The following CD96 variants were observed in gnomAD, a reference collection of about 807,000 sequenced individuals.
CD96 encodes T-cell surface protein tactile.
Under a neutral mutation model 71.3 loss-of-function variants are expected in CD96, and 70 were observed. The observed-to-expected ratio is 0.98, with a 90% CI of 0.81 to 1.20. The LOEUF is 1.20. Among genes scored for constraint, CD96 ranks in the 50% most tolerant of loss-of-function variants. CD96 has a pLI of 0.00. For missense variants in CD96, 742 were observed against 677.5 expected (o/e 1.10, Z -1.06); for synonymous variants, 248 against 233.0 (o/e 1.06, Z -0.59).
At chr3:111,550,650 C>T (rs1296327731) in intron 2 of CD96, among the ~76,000 whole-genome samples, 2 of 151,576 alleles carry the variant, frequency 1.3e-5, no homozygotes, top group Non-Finnish European at 2.9e-5. Context: ...AAGATGAGTG[C>T]ATATGATGAG....
Position 111,542,254 on chromosome 3 carries a change from G to C in CD96, c.6G>C (p.Glu2Asp), listed in dbSNP as rs748439597. The change falls in exon 1 of 14, where the codon GAG (glutamate) becomes GAC (aspartate). Residue 2 changes from glutamate (E) to aspartate (D), a missense_variant. Coordinates refer to ENST00000352690, the MANE Select transcript of CD96 (RefSeq NM_005816.5). ...TGTAAGGTGTTCAGAAGACAATGGA[G>C]AAAAAATGGAAATACTGTGCTGTCT... M[E>D]KKWKYCAVYY... 2.5e-6 allele frequency: 4 copies of C among 1,613,016 alleles called. No homozygotes were observed. Among genetic ancestry groups the C allele is most frequent in the Non-Finnish European group, 3.4e-6 (4 of 1,179,098 alleles).
intron 14 of CD96, among the ~76,000 whole-genome samples, chr3:111,659,702 G>T (rs1410132140): frequency 6.6e-6 from 1 of 152,010 alleles, no homozygotes; most frequent in Non-Finnish European, 1.5e-5. Flanking sequence ...TTTATTTCTG[G>T]GATGCAAGGC....
intron 2 of CD96, 102 bp downstream of exon 2, chr3:111,545,504 A>T: frequency 1.2e-6 from 1 of 802,378 alleles, no homozygotes; most frequent in Middle Eastern, 2.3e-4. Flanking sequence ...CTCAGCATAC[A>T]AAGGTTGAGC....
chr3:111,598,491 G>C (rs932834781), intron 6 of CD96, among the ~76,000 whole-genome samples: 4 of 152,064 alleles, frequency 2.6e-5, no homozygotes, highest in Non-Finnish European at 4.4e-5. Context: ...TCTTAAATGA[G>C]GACAAAAAGT....
At chr3:111,632,718 C>G (rs949310834) in intron 10 of CD96, among the ~76,000 whole-genome samples, 1 of 152,144 alleles carries the variant, frequency 6.6e-6, no homozygotes, top group Non-Finnish European at 1.5e-5. Flanking sequence ...TGGAATCAAC[C>G]TAAATGCCCA....
intron 12 of CD96, among the ~76,000 whole-genome samples, chr3:111,638,740 C>G (rs1457422400): frequency 6.6e-6 from 1 of 152,130 alleles, no homozygotes; most frequent in Non-Finnish European, 1.5e-5. Context: ...TAGTGAATGC[C>G]ACACCTAGGT....
Position 111,579,042 on chromosome 3 carries a change from C to T in CD96, c.559C>T (p.Gln187Ter), listed in dbSNP as rs1936347750. Residue 187 changes from glutamine to a stop codon, truncating the protein, a stop_gained, in exon 4 of 14, where the codon CAG becomes TAG. Coordinates refer to ENST00000352690, the MANE Select transcript of CD96 (RefSeq NM_005816.5). LOFTEE classifies it high-confidence loss of function. ...TTCTCACCAGGAGGATAATGGAACTCAGGAAACACTTATCTCCCAAAATCA... is the reference window on the plus strand; with the variant it reads ...TTCTCACCAGGAGGATAATGGAACTTAGGAAACACTTATCTCCCAAAATCA... ...YAWSVEDNGT[Q>*]ETLISQNHLI... 3 of 1,600,478 alleles carry T rather than the reference C, an allele frequency of 1.9e-6. No homozygotes were observed. In the African/African-American group the frequency reaches 4.0e-5, roughly 21 times the overall value.
At chr3:111,604,539 T>C (rs987763729) in intron 7 of CD96, among the ~76,000 whole-genome samples, 2 of 152,244 alleles carry the variant, frequency 1.3e-5, no homozygotes, top group African/African-American at 2.4e-5. Context: ...GTTTCCCCTC[T>C]GTCACAAGGC....
At chr3:111,639,194 A>C (rs1204611205) in intron 12 of CD96, among the ~76,000 whole-genome samples, 1 of 152,066 alleles carries the variant, frequency 6.6e-6, no homozygotes, top group Non-Finnish European at 1.5e-5. Flanking sequence ...CCCAGGAGAC[A>C]CCCCAAATAC....
chr3:111,663,004 G>C (rs1320543913), intron 14 of CD96, among the ~76,000 whole-genome samples: 1 of 152,152 alleles, frequency 6.6e-6, no homozygotes, highest in Admixed American at 6.5e-5. Context: ...GTAATTTATG[G>C]AGAAAAGAGG....
At chr3:111,622,785 CTA>C (rs377487250) in intron 8 of CD96, among the ~76,000 whole-genome samples, 2 of 150,036 alleles carry the variant, frequency 1.3e-5, no homozygotes, top group East Asian at 3.9e-4. Flanking sequence ...AAAAGAATAA[CTA>C]TTTCTCTAGC....
At chr3:111,628,433 C>A (rs996882196) in intron 10 of CD96, among the ~76,000 whole-genome samples, 1 of 152,118 alleles carries the variant, frequency 6.6e-6, no homozygotes, top group Non-Finnish European at 1.5e-5. Flanking sequence ...AATCTCAGAG[C>A]TTGAAGATTG....
chr3:111,597,994 C>T, intron 5 of CD96, 126 bp from the exon 6 acceptor site: 1 of 704,370 alleles, frequency 1.4e-6, no homozygotes, highest in Non-Finnish European at 2.6e-6. Context: ...GTAGACATTG[C>T]CTTCTATTTA....
chr3:111,550,924 G>A (rs1332909999), intron 2 of CD96, among the ~76,000 whole-genome samples: 2 of 152,230 alleles, frequency 1.3e-5, no homozygotes, highest in African/African-American at 4.8e-5. Flanking sequence ...GCATTAAAAA[G>A]TACATAGTGC....
chr3:111,561,006 C>T, intron 2 of CD96, among the ~76,000 whole-genome samples: 1 of 144,150 alleles, frequency 6.9e-6, no homozygotes, highest in Non-Finnish European at 1.5e-5. Context: ...CACATTGGCT[C>T]CTGAGGCTTC....
chr3:111,630,258 A>T (rs1375975269), intron 10 of CD96, among the ~76,000 whole-genome samples: 1 of 152,190 alleles, frequency 6.6e-6, no homozygotes, highest in Non-Finnish European at 1.5e-5. Context: ...TGATAAATAT[A>T]CCACTAGCTA....
intron 7 of CD96, among the ~76,000 whole-genome samples, chr3:111,604,983 C>G (rs1937584758): frequency 6.6e-6 from 1 of 152,172 alleles, no homozygotes; most frequent in Admixed American, 6.5e-5. Flanking sequence ...CAGAGAAAAA[C>G]ATCTAGGCAT....
At chr3:111,613,105 A>G (rs768223505) in intron 8 of CD96, among the ~76,000 whole-genome samples, 8 of 152,158 alleles carry the variant, frequency 5.3e-5, no homozygotes, top group Non-Finnish European at 1.0e-4. Context: ...TTTTTTCTAC[A>G]TCTGTCACCT....
At chr3:111,594,854 G>C (rs1331535752) in intron 5 of CD96, 3 of 167,104 alleles carry the variant, frequency 1.8e-5, no homozygotes, top group Admixed American at 1.3e-4. Context: ...TGAGGATCTG[G>C]ATAATAAAGT....
Sources: allele counts gnomAD v4.1 joint callset (sites outside exome capture counted in the v4.1 genomes callset), GRCh38; gene constraint gnomAD v4.1.1; transcripts MANE v1.5; gene names NCBI Gene and HGNC (gene_info 2026-07-23, HGNC 2026-07-21).